The following RGPD2 variants were observed in gnomAD, a reference collection of about 807,000 sequenced individuals.
The protein encoded by RGPD2 is RANBP2 like and GRIP domain containing 2, also known as RANBP2-like and GRIP domain-containing protein 2.
In RGPD2, 2 loss-of-function variants were observed where a neutral mutation model predicts 36.0. The ratio of observed to expected loss-of-function variants is 0.06; its 90% confidence interval spans 0.02 to 0.17. RGPD2 has a LOEUF of 0.17. RGPD2 is among the 10% of genes least tolerant of loss of function. The pLI, the probability that RGPD2 is intolerant of heterozygous loss-of-function variation, is 1.00. For missense variants in RGPD2, 40 were observed against 464.3 expected (o/e 0.09, Z 8.40); for synonymous variants, 19 against 163.8 (o/e 0.12, Z 6.75).
At chr2:87,881,351 A>G in the RGPD2 span, among the ~76,000 whole-genome samples, 12 of 152,270 alleles carry the variant, frequency 7.9e-5, no homozygotes, top group African/African-American at 2.9e-4. Flanking sequence ...CTTCAACCCC[A>G]CAATTTACCT....
the RGPD2 span, among the ~76,000 whole-genome samples, chr2:87,955,423 C>T: frequency 0.01 from 359 of 34,988 alleles, 11 homozygotes; most frequent in African/African-American, 0.044. Context: ...ATTGGTTTCT[C>T]GCATTCAGCA....
At chr2:87,871,796 C>T in the RGPD2 span, among the ~76,000 whole-genome samples, 1 of 144,372 alleles carries the variant, frequency 6.9e-6, no homozygotes, top group Non-Finnish European at 1.5e-5. Flanking sequence ...ACCCGGGAGG[C>T]GGAGGTTGCG....
the RGPD2 span, among the ~76,000 whole-genome samples, chr2:87,915,460 C>T: frequency 7.4e-6 from 1 of 134,556 alleles, no homozygotes; most frequent in South Asian, 2.2e-4. Flanking sequence ...CACATATACA[C>T]ATATATGTGT....
At chr2:87,972,765 T>A in the RGPD2 span, 1 of 1,611,518 alleles carries the variant, frequency 6.2e-7, no homozygotes, top group Non-Finnish European at 8.5e-7. Flanking sequence ...CAGCCCTACC[T>A]CTGTGAGAGT....
chr2:87,940,646 G>A, the RGPD2 span, among the ~76,000 whole-genome samples: 1 of 144,686 alleles, frequency 6.9e-6, no homozygotes, highest in African/African-American at 2.7e-5. Flanking sequence ...GTGTGTGTGT[G>A]TGTGTGTGTG....
chr2:87,813,188 T>C (rs1314375832), intron 4 of RGPD2, among the ~76,000 whole-genome samples: 1 of 152,212 alleles, frequency 6.6e-6, no homozygotes, highest in Non-Finnish European at 1.5e-5. Context: ...TAATCCCTTA[T>C]ATCCATAATT....
At chr2:87,825,532 CGAGGCCGAG>C (rs1686736935) in intron 1 of RGPD2, 117 bp downstream of exon 1, 2 of 477,262 alleles carry the variant, frequency 4.2e-6, no homozygotes, top group African/African-American at 1.3e-4. Flanking sequence ...CGGCCGAGGC[CGAGGCCGAG>C]GCCGCCGCCC....
the RGPD2 span, among the ~76,000 whole-genome samples, chr2:87,877,665 C>A: frequency 3.3e-5 from 5 of 152,220 alleles, no homozygotes; most frequent in African/African-American, 1.2e-4. Context: ...ATTATCTGGG[C>A]GTGGTGGCGG....
At chr2:87,873,747 A>G in the RGPD2 span, among the ~76,000 whole-genome samples, 1 of 151,802 alleles carries the variant, frequency 6.6e-6, no homozygotes, top group Non-Finnish European at 1.5e-5. Context: ...AATGTGAGAG[A>G]GCAAGTGCAG....
chr2:87,853,065 T>A, the RGPD2 span, among the ~76,000 whole-genome samples: 3 of 152,354 alleles, frequency 2.0e-5, no homozygotes, highest in Non-Finnish European at 4.4e-5. Flanking sequence ...GCTCGGTAAG[T>A]GGTGATTCAT....
the RGPD2 span, among the ~76,000 whole-genome samples, chr2:87,915,930 G>C: frequency 6.6e-6 from 1 of 151,258 alleles, no homozygotes; most frequent in East Asian, 1.9e-4. Flanking sequence ...TAGAAGAAAA[G>C]AAGGAAGTGA....
chr2:87,809,797 T>C (rs549590436), intron 6 of RGPD2, among the ~76,000 whole-genome samples: 2 of 150,354 alleles, frequency 1.3e-5, no homozygotes, highest in South Asian at 4.3e-4. Context: ...TCCATCCCCA[T>C]GGTCATCTCC....
the RGPD2 span, among the ~76,000 whole-genome samples, chr2:87,864,574 G>A: frequency 6.7e-6 from 1 of 148,900 alleles, no homozygotes; most frequent in Non-Finnish European, 1.5e-5. Context: ...GACATAGATA[G>A]ATGATAGATA....
the RGPD2 span, among the ~76,000 whole-genome samples, chr2:87,937,090 A>G: frequency 2.6e-4 from 40 of 152,002 alleles, no homozygotes; most frequent in East Asian, 7.8e-3. Flanking sequence ...TAATTAAAAC[A>G]CAATGTAATG....
chr2:87,971,491 T>G, the RGPD2 span, among the ~76,000 whole-genome samples: 1 of 78,416 alleles, frequency 1.3e-5, no homozygotes, highest in Non-Finnish European at 2.9e-5. Flanking sequence ...TATTATTATC[T>G]TCTCTGTCTA....
the RGPD2 span, chr2:87,973,230 G>A: frequency 3.1e-6 from 5 of 1,609,938 alleles, no homozygotes; most frequent in African/African-American, 4.0e-5. Context: ...CTCATCAGGA[G>A]GGTGAGCCTG....
the RGPD2 span, among the ~76,000 whole-genome samples, chr2:87,842,748 G>A: frequency 5.9e-5 from 9 of 151,822 alleles, no homozygotes; most frequent in African/African-American, 1.7e-4. Flanking sequence ...AGCCCGCATC[G>A]CCAAGTTAAT....
the RGPD2 span, among the ~76,000 whole-genome samples, chr2:87,988,732 G>C: frequency 0.01 from 1,517 of 151,202 alleles, 35 homozygotes; most frequent in African/African-American, 0.035. Context: ...GTAGAGAAAG[G>C]GTTTCACCAC....
chr2:87,912,063 T>G, the RGPD2 span, among the ~76,000 whole-genome samples: 1 of 148,936 alleles, frequency 6.7e-6, no homozygotes, highest in African/African-American at 2.4e-5. Context: ...ACCAGGTTGT[T>G]TTTTTTTTAG....
Sources: gnomAD v4.1 joint callset for allele counts (sites outside exome capture counted in the v4.1 genomes callset) on GRCh38, gnomAD v4.1.1 for gene constraint, MANE v1.5 for transcripts, NCBI Gene and HGNC (gene_info 2026-07-23, HGNC 2026-07-21) for gene names.